Variants in ST8SIA1 observed in about 807,000 individuals in gnomAD.
ST8SIA1 encodes the protein alpha-N-acetylneuraminide alpha-2,8-sialyltransferase.
In ST8SIA1, 16 loss-of-function variants were observed where a neutral mutation model predicts 35.9. The observed-to-expected ratio is 0.45, with a 90% confidence interval of 0.30 to 0.68. The LOEUF is 0.68. Among genes scored for constraint, ST8SIA1 ranks in the 30% least tolerant of loss-of-function variants. ST8SIA1 has a pLI of 0.09. For missense variants in ST8SIA1, 383 were observed against 453.6 expected (o/e 0.84, Z 1.41); for synonymous variants, 170 against 169.6 (o/e 1.00, Z -0.02).
At chr12:22,305,504 C>T (rs576793419) in intron 1 of ST8SIA1, among the ~76,000 whole-genome samples, 1 of 151,880 alleles carries the variant, frequency 6.6e-6, no homozygotes, top group Non-Finnish European at 1.5e-5. Context: ...CCTCAGCCTC[C>T]CAAGTAGCTG....
intron 4 of ST8SIA1, among the ~76,000 whole-genome samples, chr12:22,240,599 G>T (rs1366506892): frequency 6.6e-6 from 1 of 151,994 alleles, no homozygotes; most frequent in Non-Finnish European, 1.5e-5. Context: ...AAACATGCAT[G>T]TATAGTTTGT....
chr12:22,310,244 G>A (rs1866433215), intron 1 of ST8SIA1, among the ~76,000 whole-genome samples: 1 of 152,166 alleles, frequency 6.6e-6, no homozygotes, highest in Non-Finnish European at 1.5e-5. Context: ...ATGAATATGG[G>A]TTATTTTCAT....
intron 4 of ST8SIA1, among the ~76,000 whole-genome samples, chr12:22,205,042 G>A (rs1023483688): frequency 2.0e-5 from 3 of 152,026 alleles, no homozygotes; most frequent in African/African-American, 7.2e-5. Flanking sequence ...ATTCATTTTT[G>A]CTGATCTAGT....
chr12:22,228,826 C>T (rs57141380), intron 4 of ST8SIA1, among the ~76,000 whole-genome samples: 4,806 of 151,830 alleles, frequency 0.032, 222 homozygotes, highest in South Asian at 0.15. Flanking sequence ...GAGGCCAAGG[C>T]GGGTGGATCA....
rs146746176 is a variant in ST8SIA1 at position 22,222,354 on chromosome 12, TA to T, written c.585-20317del. ...AAGCTGCCTCACGAGGGAAAAACTG[TA>T]GACAGTAACTTTTTGCTCTACTCGA... On this transcript the variant is annotated intron_variant, in intron 4 of 4. Coordinates refer to ENST00000396037, the MANE Select transcript of ST8SIA1 (RefSeq NM_003034.4). Among the ~76,000 whole-genome samples, 226 of 152,292 alleles carry T rather than the reference TA, an allele frequency of 1.5e-3. 5 individuals are homozygous for T. In the East Asian group the frequency reaches 0.039, roughly 26 times the overall value.
intron 1 of ST8SIA1, among the ~76,000 whole-genome samples, chr12:22,328,470 C>G (rs1351521007): frequency 1.3e-5 from 2 of 152,178 alleles, no homozygotes; most frequent in Admixed American, 6.5e-5. Flanking sequence ...ACTAATGCAC[C>G]TGTCGCTACC....
chr12:22,300,681 G>A (rs1866308101), intron 1 of ST8SIA1, among the ~76,000 whole-genome samples: 1 of 152,042 alleles, frequency 6.6e-6, no homozygotes, highest in Non-Finnish European at 1.5e-5. Context: ...TTTGCCTTTT[G>A]TTGAAATCCT....
At chr12:22,252,057 A>AT (rs1865677357) in intron 3 of ST8SIA1, among the ~76,000 whole-genome samples, 1 of 152,310 alleles carries the variant, frequency 6.6e-6, no homozygotes, top group South Asian at 2.1e-4. Context: ...CAATGATATT[A>AT]TTTTTTAAAG....
chr12:22,253,849 A>G (rs1565578774), intron 3 of ST8SIA1, among the ~76,000 whole-genome samples: 1 of 152,158 alleles, frequency 6.6e-6, no homozygotes, highest in South Asian at 2.1e-4. Context: ...TGAGAAAAAA[A>G]AATGTCTTTC....
intron 4 of ST8SIA1, among the ~76,000 whole-genome samples, chr12:22,213,069 G>C (rs1865191807): frequency 6.6e-6 from 1 of 152,000 alleles, no homozygotes; most frequent in Non-Finnish European, 1.5e-5. Context: ...GACTCGACAG[G>C]TCCACAGGTC....
intron 2 of ST8SIA1, among the ~76,000 whole-genome samples, chr12:22,268,129 A>G (rs995465566): frequency 1.1e-4 from 17 of 152,336 alleles, no homozygotes; most frequent in African/African-American, 3.6e-4. Flanking sequence ...AGCCTACCAC[A>G]TAGGTATACA....
At chr12:22,242,861 A>G (rs913071810) in intron 4 of ST8SIA1, among the ~76,000 whole-genome samples, 2 of 152,164 alleles carry the variant, frequency 1.3e-5, no homozygotes, top group Non-Finnish European at 2.9e-5. Flanking sequence ...ATAAAAATTC[A>G]ATCAGAGGAT....
intron 4 of ST8SIA1, among the ~76,000 whole-genome samples, chr12:22,206,654 C>T (rs1444007389): frequency 6.6e-6 from 1 of 152,194 alleles, no homozygotes; most frequent in Admixed American, 6.5e-5. Flanking sequence ...CATTTGGGAA[C>T]TGCCCAAGAG....
At chr12:22,210,705 G>A (rs11838002) in intron 4 of ST8SIA1, among the ~76,000 whole-genome samples, 28,917 of 152,164 alleles carry the variant, frequency 0.19, 3,072 homozygotes, top group Middle Eastern at 0.3. Flanking sequence ...TCAGGCAAAC[G>A]TTCACATTTA....
intron 4 of ST8SIA1, among the ~76,000 whole-genome samples, chr12:22,222,941 G>A (rs779260517): frequency 1.3e-5 from 2 of 152,070 alleles, no homozygotes; most frequent in Non-Finnish European, 2.9e-5. Context: ...ATGTGAAAGA[G>A]CCAAATTTAG....
chr12:22,221,250 T>C (rs1295020052), intron 4 of ST8SIA1, among the ~76,000 whole-genome samples: 1 of 150,820 alleles, frequency 6.6e-6, no homozygotes, highest in African/African-American at 2.4e-5. Context: ...TGGAGACAGA[T>C]GGAGAAGAAA....
intron 1 of ST8SIA1, among the ~76,000 whole-genome samples, chr12:22,312,617 G>A (rs1866464075): frequency 6.6e-6 from 1 of 151,386 alleles, no homozygotes; most frequent in South Asian, 2.1e-4. Flanking sequence ...AATTGCTATT[G>A]CTCTTGTTGG....
In ST8SIA1 at chr12:22,201,537, C is replaced by T. The variant is rs758896172; in HGVS notation, c.*15G>A. On this transcript the variant is annotated 3_prime_UTR_variant, in exon 5 of 5. Transcript: ENST00000396037. ...CAAAAATACCCTGGTTCAGTCCTTT[C>T]TTCTTCCATTGTTCCTAGGAAGTGG... is the stretch of plus-strand genomic sequence containing the variant. 6.3e-7 allele frequency: 1 copy of T among 1,583,472 alleles called. No homozygotes were observed. Among genetic ancestry groups the T allele is most frequent in the Non-Finnish European group, 8.6e-7 (1 of 1,167,242 alleles).
At chr12:22,289,244 T>A (rs546746474) in intron 1 of ST8SIA1, among the ~76,000 whole-genome samples, 1 of 152,296 alleles carries the variant, frequency 6.6e-6, no homozygotes, top group East Asian at 1.9e-4. Flanking sequence ...ATATCTTATA[T>A]TTTTTAGTCC....
Sources: allele counts gnomAD v4.1 joint callset (sites outside exome capture counted in the v4.1 genomes callset), GRCh38; gene constraint gnomAD v4.1.1; transcripts MANE v1.5; gene names NCBI Gene and HGNC (gene_info 2026-07-23, HGNC 2026-07-21).